PTPRD: variants seen among roughly 807,000 people sequenced by gnomAD.
PTPRD encodes protein tyrosine phosphatase receptor type D.
In PTPRD, 34 loss-of-function variants were observed where a neutral mutation model predicts 214.5. The observed-to-expected ratio is 0.16, with a 90% confidence interval of 0.12 to 0.21. The LOEUF (loss-of-function observed/expected upper bound fraction) is 0.21. PTPRD is among the 10% of genes least tolerant of loss of function. PTPRD has a pLI of 1.00. For synonymous variants in PTPRD, 1,128 were observed against 845.7 expected, an observed-to-expected ratio of 1.33 and a Z score of -5.79; for missense variants, 2,545 against 2,398.7, an observed-to-expected ratio of 1.06 and a Z score of -1.27.
At chr9:8,840,579 T>G (rs1266443397) in intron 11 of PTPRD, among the ~76,000 whole-genome samples, 1 of 152,220 alleles carries the variant, frequency 6.6e-6, no homozygotes, top group Non-Finnish European at 1.5e-5. Context: ...AAGCTATCTC[T>G]TCTTACTCCA....
intron 5 of PTPRD, among the ~76,000 whole-genome samples, chr9:9,899,046 A>T (rs74510490): frequency 0.016 from 2,433 of 152,246 alleles, 75 homozygotes; most frequent in African/African-American, 0.055. Flanking sequence ...TTGCAAAGTC[A>T]CAGGACACAA....
At chr9:9,607,198 G>T (rs1479324288) in intron 7 of PTPRD, among the ~76,000 whole-genome samples, 1 of 151,860 alleles carries the variant, frequency 6.6e-6, no homozygotes, top group Non-Finnish European at 1.5e-5. Context: ...ACATAATTTT[G>T]ATGACTTAGA....
At chr9:9,243,169 A>G (rs1387747576) in intron 9 of PTPRD, among the ~76,000 whole-genome samples, 2 of 152,136 alleles carry the variant, frequency 1.3e-5, no homozygotes, top group Non-Finnish European at 2.9e-5. Context: ...ATTGCTGAAC[A>G]GTCCAGGCCC....
chr9:8,615,036 T>C (rs1197823756), intron 14 of PTPRD, among the ~76,000 whole-genome samples: 1 of 152,156 alleles, frequency 6.6e-6, no homozygotes, highest in African/African-American at 2.4e-5. Context: ...GAAAGACTTC[T>C]TTTTAGCTGT....
chr9:8,885,972 T>C (rs562849924), intron 11 of PTPRD, among the ~76,000 whole-genome samples: 2 of 152,330 alleles, frequency 1.3e-5, no homozygotes, highest in African/African-American at 2.4e-5. Flanking sequence ...CTAGCAGATT[T>C]TTGATGAATT....
chr9:8,387,973 T>C (rs1190675795), intron 37 of PTPRD, among the ~76,000 whole-genome samples: 1 of 152,232 alleles, frequency 6.6e-6, no homozygotes, highest in Non-Finnish European at 1.5e-5. Flanking sequence ...ATGTAAAGTA[T>C]GGCAGATATT....
intron 11 of PTPRD, among the ~76,000 whole-genome samples, chr9:8,735,793 T>G (rs530465277): frequency 2.0e-4 from 30 of 151,086 alleles, no homozygotes; most frequent in Middle Eastern, 3.4e-3. Flanking sequence ...ATACCTGTAA[T>G]CCCAGCTACT....
At chr9:10,405,753 T>G (rs1429459609) in intron 2 of PTPRD, among the ~76,000 whole-genome samples, 1 of 151,524 alleles carries the variant, frequency 6.6e-6, no homozygotes, top group Non-Finnish European at 1.5e-5. Flanking sequence ...CTAGTAAATA[T>G]TAACTAACTT....
intron 5 of PTPRD, among the ~76,000 whole-genome samples, chr9:9,889,337 A>G (rs1235375637): frequency 2.6e-5 from 4 of 152,194 alleles, no homozygotes; most frequent in African/African-American, 7.2e-5. Flanking sequence ...GTCATTCCAC[A>G]ATGTATATAT....
intron 7 of PTPRD, among the ~76,000 whole-genome samples, chr9:9,673,002 G>A (rs964747739): frequency 1.1e-4 from 17 of 151,878 alleles, no homozygotes; most frequent in Admixed American, 7.9e-4. Context: ...TGATTATAAC[G>A]TATACAAATT....
At chr9:8,391,925 G>T (rs1048103112) in intron 36 of PTPRD, among the ~76,000 whole-genome samples, 1 of 152,058 alleles carries the variant, frequency 6.6e-6, no homozygotes, top group African/African-American at 2.4e-5. Flanking sequence ...ATGAATTGGG[G>T]TTTTTTGCAT....
At chr9:9,047,696 T>A (rs1274479440) in intron 10 of PTPRD, among the ~76,000 whole-genome samples, 1 of 152,150 alleles carries the variant, frequency 6.6e-6, no homozygotes, top group African/African-American at 2.4e-5. Context: ...GATATCCATA[T>A]GCAGAAGAAT....
chr9:9,473,695 A>G (rs1457542209), intron 8 of PTPRD, among the ~76,000 whole-genome samples: 1 of 151,924 alleles, frequency 6.6e-6, no homozygotes, highest in African/African-American at 2.4e-5. Flanking sequence ...ATACTTCATC[A>G]CTGTGGTTTT....
chr9:10,443,306 G>T (rs1367079488), intron 2 of PTPRD, among the ~76,000 whole-genome samples: 2 of 151,610 alleles, frequency 1.3e-5, no homozygotes, highest in South Asian at 2.1e-4. Context: ...AATGTCTGAT[G>T]ATAAATTGGG....
intron 8 of PTPRD, among the ~76,000 whole-genome samples, chr9:9,560,814 G>C (rs750947865): frequency 2.0e-5 from 3 of 152,114 alleles, no homozygotes; most frequent in South Asian, 4.1e-4. Flanking sequence ...CTTTCACACT[G>C]TCCGCCCTGT....
chr9:10,469,633 T>C (rs1358410012), intron 2 of PTPRD, among the ~76,000 whole-genome samples: 1 of 152,064 alleles, frequency 6.6e-6, no homozygotes, highest in East Asian at 1.9e-4. Flanking sequence ...AGAGCTACTA[T>C]ATGACCAAGC....
chr9:9,889,252 C>G (rs902618602), intron 5 of PTPRD, among the ~76,000 whole-genome samples: 1 of 152,086 alleles, frequency 6.6e-6, no homozygotes, highest in African/African-American at 2.4e-5. Context: ...AAAATGCTGA[C>G]AGTGGACGTC....
chr9:9,419,384 T>C (rs1170524890), intron 8 of PTPRD, among the ~76,000 whole-genome samples: 1 of 151,760 alleles, frequency 6.6e-6, no homozygotes, highest in African/African-American at 2.4e-5. Context: ...TCATATTTAA[T>C]AGAAATACTG....
intron 2 of PTPRD, among the ~76,000 whole-genome samples, chr9:10,513,479 AAAG>A (rs1165876661): frequency 1.3e-5 from 2 of 152,192 alleles, no homozygotes; most frequent in African/African-American, 2.4e-5. Flanking sequence ...AAGAATCATC[AAAG>A]AAGAGCAATG....
Sources: gnomAD v4.1 joint callset for allele counts (sites outside exome capture counted in the v4.1 genomes callset) on GRCh38, gnomAD v4.1.1 for gene constraint, MANE v1.5 for transcripts, NCBI Gene and HGNC (gene_info 2026-07-23, HGNC 2026-07-21) for gene names.